Variants in MANBA observed in about 807,000 individuals in gnomAD.
MANBA encodes beta-mannosidase.
A neutral mutation model predicts 111.1 loss-of-function variants in MANBA; 83 were observed. The ratio of observed to expected loss-of-function variants is 0.75; its 90% CI spans 0.63 to 0.90. The LOEUF (loss-of-function observed/expected upper bound fraction) is 0.90, where lower values mean the gene tolerates loss of function less well. MANBA is among the 40% of genes least tolerant of loss of function. The pLI is 0.00. For synonymous variants in MANBA, 370 were observed against 378.7 expected, an observed-to-expected ratio of 0.98 and a Z score of 0.27; for missense variants, 1,036 against 1,069.0, an observed-to-expected ratio of 0.97 and a Z score of 0.43.
At chr4:102,664,318 C>T (rs1731105724) in intron 11 of MANBA, among the ~76,000 whole-genome samples, 1 of 152,036 alleles carries the variant, frequency 6.6e-6, no homozygotes, top group Admixed American at 6.5e-5. Flanking sequence ...CATACTATAC[C>T]AGTATTCAAA....
intron 4 of MANBA, among the ~76,000 whole-genome samples, chr4:102,722,058 A>G (rs540703302): frequency 1.3e-5 from 2 of 150,984 alleles, no homozygotes; most frequent in East Asian, 1.9e-4. Flanking sequence ...AAAGAGAAAG[A>G]AAAGAAAAGA....
rs117492413 is a variant in MANBA, at chr4:102,684,655, G to A, written c.960+4919C>T. 2.3e-4 allele frequency among the ~76,000 whole-genome samples: 35 copies of A among 152,190 alleles called. No homozygotes were observed. The East Asian group carries it at 6.4e-3, about 28-fold the overall frequency. ...ACAGCAGTCCCCCCTTATCTGCAGG[G>A]GATACGCTCCAAGACCCCCAGTAGG... On this transcript the variant is annotated intron_variant, in intron 7 of 16. Transcript: ENST00000647097.
intron 4 of MANBA, among the ~76,000 whole-genome samples, chr4:102,718,411 A>G (rs1474415851): frequency 6.6e-6 from 1 of 152,226 alleles, no homozygotes; most frequent in Non-Finnish European, 1.5e-5. Flanking sequence ...AAAATGAGAT[A>G]GCCTAGAGAG....
At chr4:102,674,932 A>G (rs1263840579) in intron 7 of MANBA, among the ~76,000 whole-genome samples, 1 of 152,366 alleles carries the variant, frequency 6.6e-6, no homozygotes, top group African/African-American at 2.4e-5. Context: ...ATGTAATAAA[A>G]GTGTCCACCA....
In MANBA at chr4:102,668,963, C is replaced by G. The variant is rs539950148; in HGVS notation, c.1317G>C (p.Gln439His). 1 of 1,608,346 alleles carries G rather than the reference C, an allele frequency of 6.2e-7. No individual in the cohort carries two copies. The highest frequency in any genetic ancestry group is 1.3e-5 in the African/African-American group (1 of 74,890). ...LDSVTAEVAY[Q>H]IKRLKSHPSI... ...TCTTCTTGGAAGGGTAGTAACATAC[C>G]TGGTAGGCAACTTCTGCTGTCACTG... The change falls in exon 10 of 17, where the codon CAG (glutamine) becomes CAC (histidine). Residue 439 changes from glutamine to histidine, a missense_variant and splice_region_variant. Transcript: ENST00000647097.
chr4:102,719,935 T>G (rs533619883), intron 4 of MANBA, among the ~76,000 whole-genome samples: 6 of 152,244 alleles, frequency 3.9e-5, no homozygotes, highest in African/African-American at 1.4e-4. Context: ...AGCAGAAAAC[T>G]GGATCTGATT....
intron 13 of MANBA, among the ~76,000 whole-genome samples, chr4:102,643,832 C>T (rs1181499063): frequency 6.6e-6 from 1 of 151,970 alleles, no homozygotes. Context: ...TTCTTTCATT[C>T]TGGGGATTAT....
At chr4:102,719,611 G>T (rs768244153) in intron 4 of MANBA, among the ~76,000 whole-genome samples, 1 of 152,142 alleles carries the variant, frequency 6.6e-6, no homozygotes, top group Non-Finnish European at 1.5e-5. Flanking sequence ...TGTAATTATA[G>T]TAATAAGCCT....
At chr4:102,642,720 C>G (rs1311529858) in intron 13 of MANBA, among the ~76,000 whole-genome samples, 1 of 152,168 alleles carries the variant, frequency 6.6e-6, no homozygotes, top group African/African-American at 2.4e-5. Flanking sequence ...GATCAAGATA[C>G]GAAGACCTAA....
rs192885642 is a variant in MANBA, at chr4:102,740,933, C to A, written c.178-14250G>T. On this transcript the variant is annotated intron_variant, in intron 1 of 16. Coordinates refer to ENST00000647097, the MANE Select transcript of MANBA (RefSeq NM_005908.4). ...AACCCAAAAGCAAATGCAACAAAAACGAAGATAAATAGATGGGACCTAACT... is the reference window on the plus strand; with the variant it reads ...AACCCAAAAGCAAATGCAACAAAAAAGAAGATAAATAGATGGGACCTAACT... Among the ~76,000 whole-genome samples the A allele has an allele frequency of 3.2e-3, 484 of 151,878 alleles. 6 individuals carry two copies. The highest frequency in any genetic ancestry group is 0.011 in the African/African-American group (467 of 41,412).
At chr4:102,713,705 T>G (rs931384763) in intron 5 of MANBA, among the ~76,000 whole-genome samples, 9 of 152,062 alleles carry the variant, frequency 5.9e-5, no homozygotes, top group African/African-American at 2.2e-4. Flanking sequence ...AGTTCGAGAC[T>G]GGCCAATATG....
intron 5 of MANBA, among the ~76,000 whole-genome samples, chr4:102,701,217 T>A (rs1733023221): frequency 6.6e-6 from 1 of 151,814 alleles, no homozygotes; most frequent in Non-Finnish European, 1.5e-5. Context: ...GCTTGGTAGA[T>A]CTTCCTCCAT....
chr4:102,751,919 T>C (rs1723816498), intron 1 of MANBA: 4 of 640,188 alleles, frequency 6.2e-6, no homozygotes, highest in Non-Finnish European at 1.2e-5. Flanking sequence ...GGGAGTGGAA[T>C]AGAGAGAAAC....
intron 4 of MANBA, among the ~76,000 whole-genome samples, chr4:102,714,919 A>G (rs1578930639): frequency 6.6e-6 from 1 of 152,186 alleles, no homozygotes; most frequent in East Asian, 1.9e-4. Flanking sequence ...TAACTGCCTC[A>G]TTTTATCTTA....
rs1384491897 is a variant in MANBA, at chr4:102,633,627, C to T, written c.2415+1161G>A. Among the ~76,000 whole-genome samples the T allele has an allele frequency of 2.6e-5, 4 of 152,238 alleles. No individual in the cohort carries two copies. The South Asian group carries it at 8.3e-4, about 32-fold the overall frequency. Reference sequence around the variant, plus strand: ...TAAGAAGGACAAGTCTCACTGAAATCAAAATGAGATAGAACAAAGAAAGAG... The same window carrying T: ...TAAGAAGGACAAGTCTCACTGAAATTAAAATGAGATAGAACAAAGAAAGAG... On this transcript the variant is annotated intron_variant, in intron 16 of 16. Transcript: ENST00000647097.
chr4:102,755,520 A>G (rs560460074), intron 1 of MANBA, among the ~76,000 whole-genome samples: 3 of 152,350 alleles, frequency 2.0e-5, no homozygotes, highest in South Asian at 4.1e-4. Flanking sequence ...TAAAAACCCT[A>G]GAAGAAAACC....
At chr4:102,700,810 T>C (rs1033875920) in intron 5 of MANBA, among the ~76,000 whole-genome samples, 18 of 152,208 alleles carry the variant, frequency 1.2e-4, no homozygotes, top group Non-Finnish European at 2.4e-4. Flanking sequence ...AGGTGTGATG[T>C]GGTGCTGAAA....
Position 102,690,638 on chromosome 4 carries a change from T to A in MANBA, c.807A>T (p.Gln269His), listed in dbSNP as rs151274894. 1 of 1,612,832 alleles carries A rather than the reference T, an allele frequency of 6.2e-7. No homozygotes were observed. The highest frequency in any genetic ancestry group is 1.1e-5 in the South Asian group (1 of 91,050). ...QTQQTYSIEL[Q>H]PGKRIVELFV... ...ATAGCTCAACAATCCTTTTCCCAGG[T>A]TGAAGTTCAATGCTGTATGTCTGTT... Residue 269 changes from glutamine to histidine, a missense_variant, in exon 6 of 17, where the codon CAA becomes CAT. Physicochemically the swap from Gln to His is conservative, Grantham distance 24 (BLOSUM62 0). Coordinates refer to ENST00000647097, the MANE Select transcript of MANBA (RefSeq NM_005908.4).
intron 5 of MANBA, among the ~76,000 whole-genome samples, chr4:102,699,072 C>T (rs1164650188): frequency 2.0e-5 from 3 of 151,952 alleles, no homozygotes; most frequent in Non-Finnish European, 4.4e-5. Flanking sequence ...AGGTCCTTCA[C>T]GTCCCTTGTA....
Sources: allele counts gnomAD v4.1 joint callset (sites outside exome capture counted in the v4.1 genomes callset), GRCh38; gene constraint gnomAD v4.1.1; transcripts MANE v1.5; gene names NCBI Gene and HGNC (gene_info 2026-07-23, HGNC 2026-07-21).